SACS: variants seen among roughly 807,000 people sequenced by gnomAD.
SACS encodes the protein sacsin molecular chaperone, also known as sacsin.
Under a neutral mutation model 348.0 loss-of-function variants are expected in SACS, and 197 were observed. The ratio of observed to expected loss-of-function variants is 0.57; its 90% CI spans 0.50 to 0.64. The LOEUF is 0.64. SACS is among the 30% of genes least tolerant of loss of function. The pLI is 0.00. For synonymous variants in SACS, 1,985 were observed against 1,910.6 expected, an observed-to-expected ratio of 1.04 and a Z score of -1.02; for missense variants, 4,999 against 5,360.8, an observed-to-expected ratio of 0.93 and a Z score of 2.11.
chr13:23,334,617 C>T lies in SACS; in HGVS notation c.9259G>A (p.Asp3087Asn), dbSNP rs2137585503. 1 of 1,613,538 alleles carries T rather than the reference C, an allele frequency of 6.2e-7. No homozygotes were observed. Among genetic ancestry groups the T allele is most frequent in the Non-Finnish European group, 8.5e-7 (1 of 1,179,802 alleles). ...ANLYHCLIDA[D>N]IPVSYVTPAD... ...GGGGTCACATAACTAACAGGAATAT[C>T]TGCATCTATAAGACAGTGGTAAAGA... The change falls in exon 10 of 10, where the codon GAT (aspartate) becomes AAT (asparagine). Residue 3087 changes from aspartate to asparagine, a missense_variant. By Grantham distance (23) the Asp-to-Asn change is conservative. This residue lies in a region of SACS where 734 missense variants were observed against 694.0 expected (regional missense o/e 1.06). Coordinates refer to ENST00000382292, the MANE Select transcript of SACS (RefSeq NM_014363.6).
At chr13:23,352,670 A>G (rs1278450269) in intron 9 of SACS, among the ~76,000 whole-genome samples, 1 of 152,210 alleles carries the variant, frequency 6.6e-6, no homozygotes, top group Non-Finnish European at 1.5e-5. Flanking sequence ...AAATCGTTAG[A>G]GCAAAGATTG....
At chr13:23,429,084 T>G (rs1485933802) in intron 1 of SACS, among the ~76,000 whole-genome samples, 1 of 152,112 alleles carries the variant, frequency 6.6e-6, no homozygotes, top group Non-Finnish European at 1.5e-5. Context: ...ATATCACATA[T>G]GAGTGAATTG....
intron 2 of SACS, among the ~76,000 whole-genome samples, chr13:23,387,296 A>G (rs1872328102): frequency 1.3e-5 from 2 of 151,580 alleles, no homozygotes; most frequent in Non-Finnish European, 2.9e-5. Context: ...AGTCTCTACT[A>G]AAAAACACAA....
intron 2 of SACS, 65 bp downstream of exon 2, chr13:23,411,155 G>T: frequency 7.0e-7 from 1 of 1,418,572 alleles, no homozygotes; most frequent in East Asian, 2.3e-5. Context: ...TTTCATTTGG[G>T]AAAATCCAAC....
Position 23,331,686 on chromosome 13 carries a change from G to A in SACS, c.12190C>T (p.Pro4064Ser), listed in dbSNP as rs200707453. 7 of 1,613,844 alleles carry A rather than the reference G, an allele frequency of 4.3e-6. No individual in the cohort carries two copies. The South Asian group carries it at 7.7e-5, about 18-fold the overall frequency. The part of the protein sequence containing the change: ...QTTLRVKGFN[P>S]IPHSRSETFA... ...GTTTCACTTCTGCTGTGGGGAATAG[G>A]ATTAAAACCTTTAACTCTTAATGTT... Residue 4064 changes from proline (P) to serine (S), a missense_variant, in exon 10 of 10, where the codon CCT becomes TCT. Physicochemically the swap from Pro to Ser is moderately conservative, Grantham distance 74 (BLOSUM62 -1). Around this residue, in one of 6 missense-constraint regions of SACS, gnomAD observed 831 missense variants for 941.8 expected, o/e 0.88. Transcript: ENST00000382292.
At position 23,358,360 on chromosome 13, in the gene SACS, C is replaced by A; in HGVS notation, c.579G>T (p.Gly193=). 3.1e-6 allele frequency: 5 copies of A among 1,614,122 alleles called. No homozygotes were observed. The change falls in exon 7 of 10, where the codon GGG becomes GGT. Residue 193 remains glycine (G), a synonymous_variant. Transcript: ENST00000382292. ...DPLKVGRFGI[G]FNSVYHITDV... is the part of the protein sequence containing the mutation. The stretch of plus-strand genomic sequence containing the variant: ...CTGTTATATGATAGACAGAATTAAA[C>A]CCAATTCCAAATCTTCCGACCTTCA...
intron 2 of SACS, among the ~76,000 whole-genome samples, chr13:23,395,885 T>C (rs1475833175): frequency 6.6e-6 from 1 of 152,210 alleles, no homozygotes; most frequent in Admixed American, 6.6e-5. Flanking sequence ...AGGTCTCTAT[T>C]TGCATCTGTA....
In SACS at chr13:23,337,749, TG is replaced by T; in HGVS notation, c.6126del (p.Cys2042Ter). 2 of 1,613,944 alleles carry T rather than the reference TG, an allele frequency of 1.2e-6. No individual in the cohort carries two copies. Among genetic ancestry groups the T allele is most frequent in the Non-Finnish European group, 1.7e-6 (2 of 1,179,956 alleles). ...AATGTGTTTTCAAGTAGTATCTGTT[TG>T]CAGCCAGCTTCTTCAAATCCTAATT... ...SVKLGFEEAGCKQILLENTFS... is the reference protein window; with the variant it reads ...SVKLGFEEAGXKQILLENTFS... On this transcript the variant is annotated frameshift_variant, in exon 10 of 10. Coordinates refer to ENST00000382292, the MANE Select transcript of SACS (RefSeq NM_014363.6). LOFTEE classifies it high-confidence loss of function.
chr13:23,335,177 T>C lies in SACS; in HGVS notation c.8699A>G (p.Asp2900Gly). The part of the protein sequence containing the change: ...DSARRNLWRD[D>G]NGVGVRSDWN... ...GTCACTTCGAACACCAACTCCATTA[T>C]CATCACGCCACAGGTTCCTTCTGGC... The change falls in exon 10 of 10, where the codon GAT (aspartate) becomes GGT (glycine). Residue 2900 changes from aspartate (D) to glycine (G), a missense_variant. Around this residue, in one of 6 missense-constraint regions of SACS, gnomAD observed 21 missense variants for 51.8 expected, o/e 0.41. Transcript: ENST00000382292. This position sits in a 1 kb window ranked among gnomAD's most constrained non-coding sequence, Gnocchi z 4.7. The C allele has an allele frequency of 6.2e-7, 1 of 1,613,958 alleles. No individual in the cohort carries two copies. The highest frequency in any genetic ancestry group is 8.5e-7 in the Non-Finnish European group (1 of 1,179,906).
At position 23,334,976 on chromosome 13, in the gene SACS, C is replaced by T. The variant is rs777753707; in HGVS notation, c.8900G>A (p.Arg2967His). The stretch of plus-strand genomic sequence containing the variant: ...ATATAAATCTGGCTGTAGATCAAGA[C>T]GGTTAACTGGGAAAAACGATAAAAA... ...KKFLSFFPVN[R>H]LDLQPDLYCL... is the part of the protein sequence containing the mutation. Residue 2967 changes from arginine to histidine, a missense_variant, in exon 10 of 10, where the codon CGT becomes CAT. Transcript: ENST00000382292. 2.2e-5 allele frequency: 35 copies of T among 1,613,688 alleles called. No individual in the cohort carries two copies. Among genetic ancestry groups the T allele is most frequent in the East Asian group, 4.5e-5 (2 of 44,882 alleles).
chr13:23,379,288 C>G (rs1023353728), intron 2 of SACS, among the ~76,000 whole-genome samples: 3 of 152,222 alleles, frequency 2.0e-5, no homozygotes, highest in Non-Finnish European at 2.9e-5. Flanking sequence ...CCTGTTCATT[C>G]ACGTCATAAA....
At chr13:23,392,586 C>T (rs182630064) in intron 2 of SACS, among the ~76,000 whole-genome samples, 65 of 152,320 alleles carry the variant, frequency 4.3e-4, no homozygotes, top group Middle Eastern at 3.4e-3. Flanking sequence ...AAGTGTTCTA[C>T]ATGCAAAATC....
intron 2 of SACS, among the ~76,000 whole-genome samples, chr13:23,400,940 A>G (rs1872949319): frequency 1.3e-5 from 2 of 152,010 alleles, no homozygotes; most frequent in South Asian, 4.2e-4. Context: ...GTGGTGTTAA[A>G]AATTATTAAG....
At chr13:23,368,540 T>C (rs895098088) in intron 4 of SACS, 53 bp from the exon 5 acceptor site, 2 of 1,291,208 alleles carry the variant, frequency 1.5e-6, no homozygotes, top group African/African-American at 1.5e-5. Context: ...CCATGAATTG[T>C]CACCAATGTG....
At chr13:23,368,645 T>A (rs1871199288) in intron 4 of SACS, among the ~76,000 whole-genome samples, 158 bp from the exon 5 acceptor site, 1 of 152,216 alleles carries the variant, frequency 6.6e-6, no homozygotes, top group South Asian at 2.1e-4. Context: ...GACGAAGCAA[T>A]TCAGCAGAAA....
At position 23,339,282 on chromosome 13, in the gene SACS, C is replaced by G. The variant is rs1417636778; in HGVS notation, c.4594G>C (p.Asp1532His). 3.1e-6 allele frequency: 5 copies of G among 1,604,658 alleles called. No homozygotes were observed. In the Admixed American group the frequency reaches 6.9e-5, roughly 22 times the overall value. Residue 1532 changes from aspartate (D) to histidine (H), a missense_variant, in exon 10 of 10, where the codon GAT (aspartate) becomes CAT (histidine). Physicochemically the swap from Asp to His is moderately conservative, Grantham distance 81. Coordinates refer to ENST00000382292, the MANE Select transcript of SACS (RefSeq NM_014363.6). ...CTAGTTATGTTCACAAAATCTGAAT[C>G]TGAGAATTGAGAATTGTTGAATGAC... is the stretch of plus-strand genomic sequence containing the variant. ...LWSFNNSQFSDSDFVNITRLG... is the reference protein window; with the variant it reads ...LWSFNNSQFSHSDFVNITRLG...
Position 23,340,468 on chromosome 13 carries a change from A to C in SACS, c.3408T>G (p.Asn1136Lys), listed in dbSNP as rs756303420. The stretch of plus-strand genomic sequence containing the variant: ...ATGATTGCAACAGTGTGTGATTCTT[A>C]TTTAAAACCAGTAAGAGGGTTTTGG... ...KKAKTLLLVL[N>K]KNHTLLQSSE... is the part of the protein sequence containing the mutation. The change falls in exon 10 of 10, where the codon AAT (asparagine) becomes AAG (lysine). Residue 1136 changes from asparagine (N) to lysine (K), a missense_variant. Physicochemically the swap from Asn to Lys is moderately conservative, Grantham distance 94. Coordinates refer to ENST00000382292, the MANE Select transcript of SACS (RefSeq NM_014363.6). The C allele has an allele frequency of 8.7e-6, 14 of 1,613,358 alleles. No individual in the cohort carries two copies. Among genetic ancestry groups the C allele is most frequent in the Non-Finnish European group, 1.2e-5 (14 of 1,179,816 alleles).
chr13:23,361,148 C>T (rs1005906346), intron 6 of SACS, among the ~76,000 whole-genome samples: 3 of 152,174 alleles, frequency 2.0e-5, no homozygotes, highest in African/African-American at 7.2e-5. Flanking sequence ...CCTAGGAGTG[C>T]AACTGTCCCG....
chr13:23,361,977 T>G (rs1254430249), intron 6 of SACS, among the ~76,000 whole-genome samples: 2 of 152,172 alleles, frequency 1.3e-5, no homozygotes, highest in Non-Finnish European at 2.9e-5. Context: ...ACATACACGG[T>G]GTTTACTAGG....
Sources: gnomAD v4.1 joint callset for allele counts (sites outside exome capture counted in the v4.1 genomes callset) on GRCh38, gnomAD v4.1.1 for gene constraint, gnomAD v4.1.1 regional missense constraint, Gnocchi (gnomAD v3.1) non-coding constraint, MANE v1.5 for transcripts, NCBI Gene and HGNC (gene_info 2026-07-23, HGNC 2026-07-21) for gene names.